Variants in SGSM1 observed in about 807,000 individuals in gnomAD.
SGSM1 encodes the protein small G protein signaling modulator 1.
SGSM1 carries 73 observed loss-of-function variants against 133.8 expected under a neutral mutation model. That is an observed-to-expected ratio of 0.55 (90% CI 0.45 to 0.66). The LOEUF (loss-of-function observed/expected upper bound fraction) is 0.66. Ranked by LOEUF, SGSM1 falls within the 30% of genes least tolerant of loss-of-function variation. The pLI is 0.00. For synonymous variants in SGSM1, 563 were observed against 573.0 expected (o/e 0.98, Z 0.25); for missense variants, 1,213 against 1,448.1 (o/e 0.84, Z 2.64).
intron 19 of SGSM1, among the ~76,000 whole-genome samples, chr22:24,900,397 TTCTTTC>T (rs1165769015): frequency 1.5e-5 from 1 of 68,260 alleles, no homozygotes; most frequent in Non-Finnish European, 3.3e-5. Flanking sequence ...CTTTCTTTCT[TTCTTTC>T]TTTCTGTATT....
chr22:24,861,974 G>A (rs1038341660), intron 9 of SGSM1, among the ~76,000 whole-genome samples: 1 of 136,988 alleles, frequency 7.3e-6, no homozygotes, highest in Non-Finnish European at 1.5e-5. Flanking sequence ...TTTTTTTTGA[G>A]ACAGAGTTTT....
intron 12 of SGSM1, chr22:24,874,501 G>T (rs1177436339): frequency 6.2e-7 from 1 of 1,613,414 alleles, no homozygotes. Flanking sequence ...CATGCTGGTG[G>T]TGGCCAGAGG....
intron 22 of SGSM1, among the ~76,000 whole-genome samples, chr22:24,913,287 C>A (rs1933699586): frequency 8.0e-6 from 1 of 125,744 alleles, no homozygotes; most frequent in Non-Finnish European, 1.7e-5. Flanking sequence ...AGCAAGACTC[C>A]ATCTCAAAAA....
intron 18 of SGSM1, 137 bp downstream of exon 18, chr22:24,895,428 G>T: frequency 1.2e-6 from 1 of 855,060 alleles, no homozygotes; most frequent in East Asian, 2.7e-5. Context: ...ATTAAACATT[G>T]TTTTTTGTTT....
At position 24,867,112 on chromosome 22, in the gene SGSM1, A is replaced by G. The variant is rs751733101; in HGVS notation, c.946A>G (p.Met316Val). Residue 316 changes from methionine (M) to valine (V), a missense_variant, in exon 10 of 25, where the codon ATG becomes GTG. By Grantham distance (21) the Met-to-Val change is conservative. Coordinates refer to ENST00000400358, the MANE Select transcript of SGSM1 (RefSeq NM_001098497.3). The stretch of plus-strand genomic sequence containing the variant: ...TTCCAGCGTCTACTGGGACTATGCC[A>G]TGACCATCCGCTTGGAGGAGATTGT... Reference protein sequence around the residue: ...YEKSVYWDYAMTIRLEEIVYL... With the variant: ...YEKSVYWDYAVTIRLEEIVYL... 3.7e-6 allele frequency: 6 copies of G among 1,613,836 alleles called. No individual in the cohort carries two copies. In the East Asian group the frequency reaches 6.7e-5, roughly 18 times the overall value.
intron 2 of SGSM1, among the ~76,000 whole-genome samples, chr22:24,815,449 T>A (rs555665629): frequency 6.6e-6 from 1 of 152,230 alleles, no homozygotes; most frequent in East Asian, 1.9e-4. Context: ...GGAAGAAAAC[T>A]GGAATTAGAG....
chr22:24,873,452 CAA>C (rs886946650), intron 12 of SGSM1, among the ~76,000 whole-genome samples: 1 of 151,888 alleles, frequency 6.6e-6, no homozygotes, highest in Admixed American at 6.6e-5. Flanking sequence ...CGTGAAAACC[CAA>C]AGTGTCTCCA....
intron 21 of SGSM1, among the ~76,000 whole-genome samples, chr22:24,909,234 T>C (rs1933529138): frequency 6.6e-6 from 1 of 152,142 alleles, no homozygotes; most frequent in Non-Finnish European, 1.5e-5. Context: ...AGGAAACTGG[T>C]GTCTGGTAAC....
At chr22:24,838,167 C>T (rs945725441) in intron 2 of SGSM1, among the ~76,000 whole-genome samples, 1 of 152,164 alleles carries the variant, frequency 6.6e-6, no homozygotes, top group African/African-American at 2.4e-5. Context: ...CCAGTTTTCC[C>T]AACACCATTT....
At chr22:24,881,209 A>G (rs1932301807) in intron 14 of SGSM1, among the ~76,000 whole-genome samples, 1 of 141,788 alleles carries the variant, frequency 7.1e-6, no homozygotes, top group Admixed American at 7.3e-5. Context: ...AAAAAAAAAA[A>G]AAAGATGGAG....
chr22:24,912,117 A>G (rs1933649265), intron 21 of SGSM1, among the ~76,000 whole-genome samples: 1 of 152,074 alleles, frequency 6.6e-6, no homozygotes, highest in South Asian at 2.1e-4. Flanking sequence ...AGCCTGAGAA[A>G]CTGCGACAGC....
In SGSM1 at chr22:24,893,690, G is replaced by A. The variant is rs1027913513; in HGVS notation, c.1953+77G>A. On this transcript the variant is annotated intron_variant, in intron 17 of 24. Transcript: ENST00000400358. ...TGCTTCATTGGGCTGTTCTAAGAGT[G>A]GTGAAGACTGGGTGTCTGGGGCCTG... is the stretch of plus-strand genomic sequence containing the variant. The A allele has an allele frequency of 5.8e-6, 8 of 1,387,022 alleles. No individual in the cohort carries two copies. The South Asian group carries it at 1.2e-4, about 21-fold the overall frequency. 85.9% of individuals were successfully genotyped at this position (1,387,022 alleles called of 1,614,324 possible). A position where few individuals can be genotyped will look rare whatever the true frequency, so the allele number is the denominator to read the frequency against.
chr22:24,897,145 C>T (rs1032134588), intron 18 of SGSM1, among the ~76,000 whole-genome samples: 7 of 152,088 alleles, frequency 4.6e-5, no homozygotes, highest in South Asian at 4.2e-4. Context: ...TCTGGGAGGC[C>T]GAGGTGGGCA....
At chr22:24,855,906 G>T in intron 8 of SGSM1, 1 of 706,156 alleles carries the variant, frequency 1.4e-6, no homozygotes, top group Non-Finnish European at 2.5e-6. Flanking sequence ...TCCACCCATT[G>T]TCACAACCAT....
intron 2 of SGSM1, among the ~76,000 whole-genome samples, chr22:24,808,323 G>A (rs958166559): frequency 1.3e-5 from 2 of 151,994 alleles, no homozygotes; most frequent in Admixed American, 6.6e-5. Context: ...CACCACGTTA[G>A]CCAGGATGGT....
At chr22:24,882,292 A>G (rs975936125) in intron 14 of SGSM1, among the ~76,000 whole-genome samples, 3 of 150,546 alleles carry the variant, frequency 2.0e-5, no homozygotes, top group African/African-American at 7.3e-5. Flanking sequence ...CTGGTCTTGA[A>G]CTCCTGGGCT....
intron 9 of SGSM1, among the ~76,000 whole-genome samples, chr22:24,863,611 T>G (rs1247282603): frequency 1.3e-5 from 2 of 151,636 alleles, no homozygotes; most frequent in Non-Finnish European, 1.5e-5. Context: ...ATGGCAGGAG[T>G]CAGAAATGTG....
At chr22:24,860,919 AAAAATATATAT>A (rs1184361855) in intron 9 of SGSM1, among the ~76,000 whole-genome samples, 8 of 93,670 alleles carry the variant, frequency 8.5e-5, no homozygotes, top group Admixed American at 1.2e-4. Context: ...AAAAAAAAAA[AAAAATATATAT>A]ATATATATAT....
At chr22:24,881,981 C>T (rs1484139759) in intron 14 of SGSM1, among the ~76,000 whole-genome samples, 1 of 152,128 alleles carries the variant, frequency 6.6e-6, no homozygotes, top group East Asian at 1.9e-4. Context: ...AACTTGATGC[C>T]CTGTCAGCAT....
Sources: allele counts gnomAD v4.1 joint callset (sites outside exome capture counted in the v4.1 genomes callset), GRCh38; gene constraint gnomAD v4.1.1; transcripts MANE v1.5; gene names NCBI Gene and HGNC (gene_info 2026-07-23, HGNC 2026-07-21).